TANC1: variants seen among roughly 807,000 people sequenced by gnomAD.
TANC1 encodes the protein protein TANC1.
TANC1 carries 77 observed loss-of-function variants against 149.7 expected under a neutral mutation model. That is an observed-to-expected ratio of 0.51 (90% CI 0.43 to 0.62). TANC1 has a LOEUF of 0.62. Among genes scored for constraint, TANC1 ranks in the 20% least tolerant of loss-of-function variants. The probability of loss-of-function intolerance (pLI) is 0.00; values close to 1 mark genes in which losing one functional copy is unlikely to be tolerated. For synonymous variants in TANC1, 854 were observed against 925.0 expected (o/e 0.92, Z 1.39); for missense variants, 1,985 against 2,321.8 (o/e 0.85, Z 2.98).
At chr2:159,225,555 C>A (rs2059972631) in intron 23 of TANC1, 133 bp from the exon 24 acceptor site, 1 of 695,716 alleles carries the variant, frequency 1.4e-6, no homozygotes, top group African/African-American at 1.8e-5. Context: ...CGTCCTGCTC[C>A]CTCCCTCATC....
chr2:159,100,173 TGCA>T (rs2046537796), intron 4 of TANC1, among the ~76,000 whole-genome samples: 1 of 152,230 alleles, frequency 6.6e-6, no homozygotes, highest in African/African-American at 2.4e-5. Flanking sequence ...TCTGTGCTAC[TGCA>T]AATGAATTAA....
intron 1 of TANC1, among the ~76,000 whole-genome samples, chr2:158,991,507 A>G (rs899269460): frequency 6.6e-6 from 1 of 152,124 alleles, no homozygotes; most frequent in Non-Finnish European, 1.5e-5. Flanking sequence ...TAATCCCAGC[A>G]CTTTGGGAGG....
chr2:159,012,580 A>C (rs2037877246), intron 2 of TANC1, among the ~76,000 whole-genome samples: 1 of 152,132 alleles, frequency 6.6e-6, no homozygotes, highest in South Asian at 2.1e-4. Context: ...TTTTTTCCTA[A>C]TAGGAATGGA....
chr2:159,184,633 G>A (rs2056805866), intron 14 of TANC1, among the ~76,000 whole-genome samples: 1 of 152,182 alleles, frequency 6.6e-6, no homozygotes, highest in Admixed American at 6.5e-5. Context: ...CCCATGGGTA[G>A]GACCTGGGGA....
chr2:159,204,346 C>T (rs2058459114), intron 19 of TANC1, among the ~76,000 whole-genome samples: 2 of 152,210 alleles, frequency 1.3e-5, no homozygotes, highest in African/African-American at 4.8e-5. Context: ...TCAGACCATG[C>T]TCTGTTGGAC....
chr2:159,100,607 G>C (rs2046584864), intron 4 of TANC1, among the ~76,000 whole-genome samples: 1 of 152,156 alleles, frequency 6.6e-6, no homozygotes, highest in Non-Finnish European at 1.5e-5. Context: ...AATAAACTAA[G>C]CAGATACATC....
At chr2:159,086,000 T>C (rs1008646926) in intron 3 of TANC1, among the ~76,000 whole-genome samples, 4 of 152,170 alleles carry the variant, frequency 2.6e-5, no homozygotes, top group African/African-American at 7.2e-5. Context: ...GGTGAGTAAT[T>C]GGGATGGAGA....
intron 7 of TANC1, 46 bp downstream of exon 7, chr2:159,150,602 A>G (rs1241483202): frequency 1.4e-6 from 2 of 1,463,082 alleles, no homozygotes; most frequent in South Asian, 1.2e-5. Context: ...AATCTCATCA[A>G]CCAGAGCATT....
chr2:159,003,282 A>C (rs2036791266), intron 2 of TANC1, among the ~76,000 whole-genome samples: 1 of 152,232 alleles, frequency 6.6e-6, no homozygotes, highest in Admixed American at 6.5e-5. Context: ...TTAAAATCAA[A>C]ACAGGACTAA....
intron 2 of TANC1, among the ~76,000 whole-genome samples, chr2:159,010,683 C>T (rs2037668421): frequency 6.7e-6 from 1 of 148,426 alleles, no homozygotes; most frequent in African/African-American, 2.5e-5. Flanking sequence ...GGACAGGAGA[C>T]TACATTCAGA....
In TANC1 at chr2:159,224,260, T is replaced by G. The variant is rs1264872998; in HGVS notation, c.3707T>G (p.Val1236Gly). ...TVLYLVEKGA[V>G]IEHVDHSGMR... ...CTGTACCTGGTGGAGAAGGGAGCCG[T>G]GATCGAGCATGTGGACCACAGCGGG... The change falls in exon 23 of 27, where the codon GTG becomes GGG. Residue 1236 changes from valine (V) to glycine (G), a missense_variant. Val to Gly is a moderately radical substitution (Grantham distance 109). Around this residue, in one of 3 missense-constraint regions of TANC1, gnomAD observed 920 missense variants for 994.7 expected, o/e 0.92. Transcript: ENST00000263635. 6.2e-7 allele frequency: 1 copy of G among 1,614,054 alleles called. No individual in the cohort carries two copies. The highest frequency in any genetic ancestry group is 1.7e-5 in the Admixed American group (1 of 60,002).
rs576790443 is a variant in TANC1 at position 159,092,607 on chromosome 2, C to G, written c.62-5030C>G. On this transcript the variant is annotated intron_variant, in intron 3 of 26. Transcript: ENST00000263635. ...ACTATGACTTTGACTTACTTGTATG[C>G]GTATATATTTTTATTTATTACGAAC... Among the ~76,000 whole-genome samples, 17 of 152,210 alleles carry G rather than the reference C, an allele frequency of 1.1e-4. No individual in the cohort carries two copies. The South Asian group carries it at 3.5e-3, about 32-fold the overall frequency.
At chr2:159,083,026 A>G (rs566331141) in intron 3 of TANC1, among the ~76,000 whole-genome samples, 11 of 152,188 alleles carry the variant, frequency 7.2e-5, no homozygotes, top group African/African-American at 2.2e-4. Context: ...GCTCACTGCA[A>G]CCTCCACCAC....
intron 18 of TANC1, 112 bp downstream of exon 18, chr2:159,196,905 T>C (rs2057898538): frequency 2.0e-6 from 2 of 1,013,820 alleles, no homozygotes; most frequent in Non-Finnish European, 2.8e-6. Flanking sequence ...GCATTTGGCG[T>C]TGACCACCTG....
chr2:159,022,599 G>T (rs916530801), intron 2 of TANC1, among the ~76,000 whole-genome samples: 4 of 152,126 alleles, frequency 2.6e-5, no homozygotes. Flanking sequence ...ACAAAAATTA[G>T]CTGGGCATGG....
intron 2 of TANC1, among the ~76,000 whole-genome samples, chr2:159,044,254 C>T (rs1366601649): frequency 6.6e-6 from 1 of 152,094 alleles, no homozygotes; most frequent in African/African-American, 2.4e-5. Context: ...AGCGAGACCT[C>T]ATCTCTACCA....
At chr2:159,006,066 C>G (rs1157314681) in intron 2 of TANC1, among the ~76,000 whole-genome samples, 1 of 151,768 alleles carries the variant, frequency 6.6e-6, no homozygotes, top group Non-Finnish European at 1.5e-5. Context: ...AGGCCGAGGC[C>G]CATGGATTGC....
At chr2:159,037,175 G>C (rs2040257770) in intron 2 of TANC1, among the ~76,000 whole-genome samples, 1 of 152,136 alleles carries the variant, frequency 6.6e-6, no homozygotes, top group Non-Finnish European at 1.5e-5. Context: ...AGAAGTGTCT[G>C]TTCATTTCCT....
chr2:159,021,763 A>AT (rs892511613), intron 2 of TANC1, among the ~76,000 whole-genome samples: 1 of 152,186 alleles, frequency 6.6e-6, no homozygotes, highest in Admixed American at 6.5e-5. Flanking sequence ...CTTTGGTTAA[A>AT]TTTTTTTCTC....
Sources: gnomAD v4.1 joint callset for allele counts (sites outside exome capture counted in the v4.1 genomes callset) on GRCh38, gnomAD v4.1.1 for gene constraint, gnomAD v4.1.1 regional missense constraint, MANE v1.5 for transcripts, NCBI Gene and HGNC (gene_info 2026-07-23, HGNC 2026-07-21) for gene names.